The following CASKIN2 variants were observed in gnomAD, a reference collection of about 807,000 sequenced individuals.
The protein encoded by CASKIN2 is CASK interacting protein 2.
Under a neutral mutation model 107.1 loss-of-function variants are expected in CASKIN2, and 41 were observed. The ratio of observed to expected loss-of-function variants is 0.38; its 90% CI spans 0.30 to 0.50. The LOEUF (loss-of-function observed/expected upper bound fraction) is 0.50. Among genes scored for constraint, CASKIN2 ranks in the 20% least tolerant of loss-of-function variants. The pLI is 0.92. For synonymous variants in CASKIN2, 724 were observed against 705.6 expected, an observed-to-expected ratio of 1.03 and a Z score of -0.41; for missense variants, 1,546 against 1,657.4, an observed-to-expected ratio of 0.93 and a Z score of 1.17.
intron 19 of CASKIN2, 112 bp downstream of exon 19, chr17:75,501,356 C>A: frequency 7.6e-7 from 1 of 1,309,528 alleles, no homozygotes; most frequent in Non-Finnish European, 1.1e-6. Context: ...GCCTCTTATC[C>A]CGTTAGTGCC....
chr17:75,509,916 AG>A, intron 2 of CASKIN2: 3 of 985,818 alleles, frequency 3.0e-6, no homozygotes, highest in Non-Finnish European at 3.6e-6. Flanking sequence ...GAACAGGGCA[AG>A]GGCCAGGCTG....
rs1055484164 is a variant in CASKIN2, at chr17:75,500,475, A to G, written c.*605T>C. ...ATATGCATTTCTCTCTGCTTAGAAA[A>G]TAACATTTACAATTGAAAAGTTAGG... On this transcript the variant is annotated 3_prime_UTR_variant, in exon 20 of 20. Coordinates refer to ENST00000321617, the MANE Select transcript of CASKIN2 (RefSeq NM_020753.5). The G allele has an allele frequency of 6.5e-6, 1 of 153,224 alleles. No homozygotes were observed. The highest frequency in any genetic ancestry group is 1.5e-5 in the Non-Finnish European group (1 of 68,688). 9.5% of individuals were successfully genotyped at this position (153,224 alleles called of 1,614,324 possible).
At position 75,502,511 on chromosome 17, in the gene CASKIN2, G is replaced by A. The variant is rs755418426; in HGVS notation, c.2563C>T (p.Arg855Cys). The change falls in exon 18 of 20, where the codon CGC becomes TGC. Residue 855 changes from arginine (R) to cysteine (C), a missense_variant. Arg to Cys is a radical substitution (Grantham distance 180). Around this residue, in one of 6 missense-constraint regions of CASKIN2, gnomAD observed 1,311 missense variants for 1,311.0 expected, o/e 1.00. Coordinates refer to ENST00000321617, the MANE Select transcript of CASKIN2 (RefSeq NM_020753.5). This position sits in a 1 kb window ranked among gnomAD's most constrained non-coding sequence, Gnocchi z 4.3. ...VTPTPARGTP[R>C]SQSFALRARR... ...GCCCGCAGGGCAAAGGACTGGCTGC[G>A]AGGAGTCCCCCGAGCTGGGGTTGGG... 2.9e-5 allele frequency: 43 copies of A among 1,473,592 alleles called. No individual in the cohort carries two copies. Among genetic ancestry groups the A allele is most frequent in the South Asian group, 2.1e-4 (15 of 71,824 alleles). The allele number at this position is 1,473,592 out of a possible 1,614,324, so 91.3% of individuals were successfully genotyped here.
rs1285289794 is a variant in CASKIN2 at position 75,514,283 on chromosome 17, T to C, written c.-404-75A>G. ...GGTCCCAGAAGTGGAGTGCAGAGGA[T>C]GAGCAGGACAAGACCTCCAGGGAGC... On this transcript the variant is annotated intron_variant, in intron 1 of 19. Coordinates refer to ENST00000321617, the MANE Select transcript of CASKIN2 (RefSeq NM_020753.5). 5 of 411,768 alleles carry C rather than the reference T, an allele frequency of 1.2e-5. No individual in the cohort carries two copies. The Admixed American group carries it at 2.1e-4, about 17-fold the overall frequency. The allele number at this position is 411,768 out of a possible 1,614,324, so 25.5% of individuals were successfully genotyped here.
At chr17:75,509,884 G>A in intron 2 of CASKIN2, 5 of 985,750 alleles carry the variant, frequency 5.1e-6, no homozygotes, top group Non-Finnish European at 6.0e-6. Flanking sequence ...AGAGGAGCAG[G>A]ACAATGTGAC....
Position 75,513,835 on chromosome 17 carries a change from G to A in CASKIN2, c.-31C>T, listed in dbSNP as rs1267050020. ...CTCCTGGGCTGAGCTCTACACTCAG[G>A]AGTCCAGGGCAAAGGCAGGCAACGG... On this transcript the variant is annotated 5_prime_UTR_variant, in exon 2 of 20. Transcript: ENST00000321617. The A allele has an allele frequency of 6.2e-7, 1 of 1,604,394 alleles. No individual in the cohort carries two copies. The highest frequency in any genetic ancestry group is 8.5e-7 in the Non-Finnish European group (1 of 1,172,890).
In CASKIN2 at chr17:75,502,468, G is replaced by A. The variant is rs886627579; in HGVS notation, c.2606C>T (p.Pro869Leu). 9.7e-6 allele frequency: 14 copies of A among 1,449,514 alleles called. No homozygotes were observed. Among genetic ancestry groups the A allele is most frequent in the African/African-American group, 2.9e-5 (2 of 70,062 alleles). The allele number at this position is 1,449,514 out of a possible 1,614,324, so 89.8% of individuals were successfully genotyped here. Residue 869 changes from proline (P) to leucine (L), a missense_variant, in exon 18 of 20, where the codon CCG (proline) becomes CTG (leucine). By Grantham distance (98) the Pro-to-Leu change is moderately conservative (BLOSUM62 -3). Transcript: ENST00000321617. The surrounding 1 kb of genome is among the most constrained non-coding windows in gnomAD (Gnocchi z 4.3). ...GCTGAGGCGCTTGGGGGGCGGGGGC[G>A]GGGGGCCTTTGCGCCGGGCCCGCAG... ...FALRARRKGPPPPPPKRLSSV... is the reference protein window; with the variant it reads ...FALRARRKGPLPPPPKRLSSV...
rs765888980 is a variant in CASKIN2 at position 75,501,669 on chromosome 17, G to A, written c.3317C>T (p.Ser1106Leu). 39 of 1,581,460 alleles carry A rather than the reference G, an allele frequency of 2.5e-5. No individual in the cohort carries two copies. The highest frequency in any genetic ancestry group is 4.0e-5 in the African/African-American group (3 of 74,440). ...AAATGCCAGCTGGGTGCAGGCCACC[G>A]ACACAGGCTTGGGGGCTGTTCCTGC... ...PGAGTAPKPV[S>L]VACTQLAFSG... Residue 1106 changes from serine to leucine, a missense_variant, in exon 19 of 20, where the codon TCG becomes TTG. Transcript: ENST00000321617.
intron 2 of CASKIN2, 144 bp from the exon 3 acceptor site, chr17:75,508,429 G>T: frequency 1.2e-6 from 1 of 864,746 alleles, no homozygotes; most frequent in Non-Finnish European, 1.8e-6. Context: ...CCGTCCCTGT[G>T]GCTCCCCACC....
chr17:75,505,731 T>G lies in CASKIN2; in HGVS notation c.836-80A>C. 1 of 1,519,638 alleles carries G rather than the reference T, an allele frequency of 6.6e-7. No individual in the cohort carries two copies. Among genetic ancestry groups the G allele is most frequent in the Non-Finnish European group, 9.1e-7 (1 of 1,102,698 alleles). The allele number at this position is 1,519,638 out of a possible 1,614,324, so 94.1% of individuals were successfully genotyped here. ...CCACCCCTCATGCCCTTGACAACCC[T>G]CCCCCAGGGACGTCCACTCCCCCTC... On this transcript the variant is annotated intron_variant, in intron 9 of 19. Transcript: ENST00000321617. This position sits in a 1 kb window ranked among gnomAD's most constrained non-coding sequence, Gnocchi z 5.1.
intron 2 of CASKIN2, chr17:75,509,458 G>T: frequency 2.0e-6 from 1 of 510,468 alleles, no homozygotes; most frequent in Non-Finnish European, 2.5e-6. Context: ...AGGGAACATG[G>T]CACAGGGAGG....
intron 1 of CASKIN2, chr17:75,515,179 C>G (rs577514177): frequency 6.6e-6 from 1 of 152,426 alleles, no homozygotes; most frequent in East Asian, 1.9e-4. Flanking sequence ...GCCTCGCAAC[C>G]CCCCAGCCCA....
chr17:75,511,149 C>T (rs1191966557), intron 2 of CASKIN2, among the ~76,000 whole-genome samples: 4 of 151,326 alleles, frequency 2.6e-5, no homozygotes, highest in Non-Finnish European at 5.9e-5. Flanking sequence ...CAACCTCTGC[C>T]TCCCAGGTTC....
chr17:75,506,958 A>C lies in CASKIN2; in HGVS notation c.390+26T>G. 1 of 1,612,634 alleles carries C rather than the reference A, an allele frequency of 6.2e-7. No individual in the cohort carries two copies. The highest frequency in any genetic ancestry group is 8.5e-7 in the Non-Finnish European group (1 of 1,179,438). On this transcript the variant is annotated intron_variant, in intron 5 of 19. Coordinates refer to ENST00000321617, the MANE Select transcript of CASKIN2 (RefSeq NM_020753.5). The surrounding 1 kb of genome is among the most constrained non-coding windows in gnomAD (Gnocchi z 4.8). ...CCGGCACCCCACCCTGCCCTGCGCC[A>C]CGCCCCTGTGGGCAGCCTCACGTAC... is the stretch of plus-strand genomic sequence containing the variant.
At chr17:75,507,171 C>A in intron 4 of CASKIN2, 42 bp from the exon 5 acceptor site, 1 of 1,578,352 alleles carries the variant, frequency 6.3e-7, no homozygotes, top group South Asian at 1.1e-5. Flanking sequence ...CCTGGGACGG[C>A]GTTGGGGGTG....
chr17:75,505,911 T>C lies in CASKIN2; in HGVS notation c.745A>G (p.Ile249Val). 6.2e-7 allele frequency: 1 copy of C among 1,613,582 alleles called. No homozygotes were observed. The highest frequency in any genetic ancestry group is 8.5e-7 in the Non-Finnish European group (1 of 1,179,950). Residue 249 changes from isoleucine to valine, a missense_variant, in exon 9 of 20, where the codon ATC becomes GTC. By Grantham distance (29) the Ile-to-Val change is conservative (BLOSUM62 3). Transcript: ENST00000321617. The surrounding 1 kb of genome is among the most constrained non-coding windows in gnomAD (Gnocchi z 5.1). ...GCCGTCTGGTTATACGTATTCCGGA[T>C]GTTCACGTCCACACCTCCCTGGGTG... is the stretch of plus-strand genomic sequence containing the variant. Reference protein sequence around the residue: ...LLLEGGVDVNIRNTYNQTALD... With the variant: ...LLLEGGVDVNVRNTYNQTALD...
intron 2 of CASKIN2, chr17:75,509,593 T>C (rs2053300062): frequency 1.0e-6 from 1 of 985,560 alleles, no homozygotes; most frequent in Non-Finnish European, 1.2e-6. Flanking sequence ...ACCTCCATTT[T>C]CCTCCAGTCC....
Position 75,513,956 on chromosome 17 carries a change from G to A in CASKIN2, c.-152C>T, listed in dbSNP as rs1379732551. 11 of 646,026 alleles carry A rather than the reference G, an allele frequency of 1.7e-5. No homozygotes were observed. The highest frequency in any genetic ancestry group is 2.7e-5 in the East Asian group (1 of 36,736). 40.0% of individuals were successfully genotyped at this position (646,026 alleles called of 1,614,324 possible). Reference sequence around the variant, plus strand: ...AGGTGTCCCAGGCAGTGGGCTCCTCGTCAGGTACTGAGGGATACTCCCAAA... The same window carrying A: ...AGGTGTCCCAGGCAGTGGGCTCCTCATCAGGTACTGAGGGATACTCCCAAA... On this transcript the variant is annotated 5_prime_UTR_variant, in exon 2 of 20. The change creates a new upstream start codon in the 5' untranslated region. Coordinates refer to ENST00000321617, the MANE Select transcript of CASKIN2 (RefSeq NM_020753.5).
At position 75,501,887 on chromosome 17, in the gene CASKIN2, C is replaced by T. The variant is rs200708333; in HGVS notation, c.3187G>A (p.Val1063Met). The T allele has an allele frequency of 4.0e-4, 628 of 1,569,212 alleles. 2 individuals are homozygous for T. The highest frequency in any genetic ancestry group is 2.2e-5 in the Non-Finnish European group (26 of 1,157,224). ...LAPSPAMQPP[V>M]PPCPGPGLES... Reference sequence around the variant, plus strand: ...AGACCTGGCCCTGGGCAGGGCGGCACTGGAGGCTGCATGGCGGGGCTGGGA... The same window carrying T: ...AGACCTGGCCCTGGGCAGGGCGGCATTGGAGGCTGCATGGCGGGGCTGGGA... Residue 1063 changes from valine (V) to methionine (M), a missense_variant, in exon 18 of 20, where the codon GTG becomes ATG. Coordinates refer to ENST00000321617, the MANE Select transcript of CASKIN2 (RefSeq NM_020753.5).
Sources: allele counts gnomAD v4.1 joint callset (sites outside exome capture counted in the v4.1 genomes callset), GRCh38; gene constraint gnomAD v4.1.1; regional missense constraint gnomAD v4.1.1; non-coding constraint Gnocchi (gnomAD v3.1); transcripts MANE v1.5; gene names NCBI Gene and HGNC (gene_info 2026-07-23, HGNC 2026-07-21).